The following PKIA variants were observed in gnomAD, a reference collection of about 807,000 sequenced individuals.
The protein encoded by PKIA is PKI-alpha.
PKIA carries 4 observed loss-of-function variants against 7.6 expected under a neutral mutation model. The observed-to-expected ratio is 0.52, with a 90% CI of 0.26 to 1.20. The LOEUF is 1.20. PKIA is among the 50% of genes most tolerant of loss of function. The probability of loss-of-function intolerance (pLI) is 0.13; values close to 1 mark genes in which losing one functional copy is unlikely to be tolerated. For synonymous variants in PKIA, 21 were observed against 30.7 expected, an observed-to-expected ratio of 0.68 and a Z score of 1.04; for missense variants, 73 against 86.2, an observed-to-expected ratio of 0.85 and a Z score of 0.61.
chr8:78,537,872 A>G (rs913059711), intron 1 of PKIA, among the ~76,000 whole-genome samples: 4 of 151,920 alleles, frequency 2.6e-5, no homozygotes, highest in Admixed American at 2.0e-4. Context: ...TTGAACCACC[A>G]TTGCTCTTCA....
chr8:78,594,516 GT>G (rs1808183725), intron 2 of PKIA, among the ~76,000 whole-genome samples: 2 of 152,140 alleles, frequency 1.3e-5, no homozygotes, highest in South Asian at 4.1e-4. Context: ...TTTTGGATAG[GT>G]TGGGACGTGG....
intron 3 of PKIA, 47 bp from the exon 4 acceptor site, chr8:78,601,695 A>T (rs1318811941): frequency 1.4e-6 from 2 of 1,384,160 alleles, no homozygotes; most frequent in Non-Finnish European, 2.0e-6. Context: ...AAATAAAAGC[A>T]ATCATTTTTA....
intron 2 of PKIA, among the ~76,000 whole-genome samples, chr8:78,582,101 A>G (rs904875244): frequency 4.6e-5 from 7 of 151,892 alleles, no homozygotes; most frequent in African/African-American, 1.2e-4. Context: ...GCTGTTTACA[A>G]TGGTAGTGGG....
intron 1 of PKIA, among the ~76,000 whole-genome samples, chr8:78,529,846 A>G (rs543194412): frequency 3.3e-5 from 5 of 151,904 alleles, no homozygotes; most frequent in Admixed American, 6.6e-5. Context: ...GTAAAAGTCA[A>G]TTATCAATGG....
intron 1 of PKIA, among the ~76,000 whole-genome samples, chr8:78,525,927 C>G (rs938490972): frequency 6.6e-6 from 1 of 150,468 alleles, no homozygotes; most frequent in African/African-American, 2.4e-5. Context: ...GTTACTCAAC[C>G]TCTGTGAGTT....
At chr8:78,581,296 G>A (rs374067257) in intron 2 of PKIA, among the ~76,000 whole-genome samples, 7 of 151,930 alleles carry the variant, frequency 4.6e-5, no homozygotes, top group Admixed American at 6.6e-5. Flanking sequence ...ATAGAAACTC[G>A]TTGTAGTTAA....
intron 2 of PKIA, among the ~76,000 whole-genome samples, chr8:78,596,211 C>A (rs560670834): frequency 3.3e-5 from 5 of 151,450 alleles, no homozygotes; most frequent in African/African-American, 1.2e-4. Flanking sequence ...TTTTAAGGAG[C>A]TGTTTGCTTT....
intron 1 of PKIA, among the ~76,000 whole-genome samples, chr8:78,549,483 T>G (rs561958928): frequency 6.6e-6 from 1 of 152,154 alleles, no homozygotes; most frequent in Non-Finnish European, 1.5e-5. Flanking sequence ...TGAAGATTAT[T>G]TGTAATTTTG....
rs893438215 is a variant in PKIA at position 78,602,354 on chromosome 8, C to T, written c.*533C>T. The T allele has an allele frequency of 6.6e-6, 1 of 152,478 alleles. No individual in the cohort carries two copies. Among genetic ancestry groups the T allele is most frequent in the Non-Finnish European group, 1.5e-5 (1 of 68,054 alleles). 9.4% of individuals were successfully genotyped at this position (152,478 alleles called of 1,614,324 possible). A position where few individuals can be genotyped will look rare whatever the true frequency, so the allele number is the denominator to read the frequency against. ...TATATGCTCAGCACTGCCCCCTTCT[C>T]TGATTGCTTATGAAAAACAAAATGA... is the stretch of plus-strand genomic sequence containing the variant. On this transcript the variant is annotated 3_prime_UTR_variant, in exon 4 of 4. Coordinates refer to ENST00000396418, the MANE Select transcript of PKIA (RefSeq NM_006823.4).
At chr8:78,575,077 T>C (rs1807641595) in intron 2 of PKIA, among the ~76,000 whole-genome samples, 1 of 152,020 alleles carries the variant, frequency 6.6e-6, no homozygotes, top group African/African-American at 2.4e-5. Flanking sequence ...CTAAGGGTTA[T>C]CTTCGGTAAC....
chr8:78,524,127 T>TAA (rs1226625181), intron 1 of PKIA, among the ~76,000 whole-genome samples: 103 of 134,224 alleles, frequency 7.7e-4, no homozygotes, highest in African/African-American at 2.8e-3. Flanking sequence ...TAAACATTTA[T>TAA]ATTTATATAT....
intron 1 of PKIA, among the ~76,000 whole-genome samples, chr8:78,527,893 C>T (rs150684434): frequency 2.4e-4 from 36 of 152,084 alleles, no homozygotes; most frequent in African/African-American, 7.7e-4. Context: ...ATCTATGTTT[C>T]ATGCCATAAT....
intron 1 of PKIA, among the ~76,000 whole-genome samples, chr8:78,527,981 G>T (rs1442992113): frequency 6.6e-6 from 1 of 152,042 alleles, no homozygotes; most frequent in Non-Finnish European, 1.5e-5. Flanking sequence ...CTTGTTCTTT[G>T]TGAATTGTCA....
intron 1 of PKIA, chr8:78,556,471 G>A (rs1389956510): frequency 1.3e-5 from 2 of 151,590 alleles, no homozygotes; most frequent in African/African-American, 4.9e-5. Flanking sequence ...TCTGTTCTTT[G>A]TTAAGAAGTG....
intron 1 of PKIA, among the ~76,000 whole-genome samples, chr8:78,527,657 ATTAATTT>A (rs1446789665): frequency 6.6e-6 from 1 of 152,098 alleles, no homozygotes; most frequent in Non-Finnish European, 1.5e-5. Flanking sequence ...TATATGTCAT[ATTAATTT>A]TTAAGTATAT....
intron 2 of PKIA, among the ~76,000 whole-genome samples, chr8:78,574,959 G>A (rs931198337): frequency 1.3e-5 from 2 of 151,998 alleles, no homozygotes; most frequent in African/African-American, 2.4e-5. Flanking sequence ...GTTCTCATGT[G>A]AGAAAGGAAG....
At chr8:78,568,783 G>T (rs1357409589) in intron 1 of PKIA, among the ~76,000 whole-genome samples, 1 of 152,120 alleles carries the variant, frequency 6.6e-6, no homozygotes, top group Non-Finnish European at 1.5e-5. Context: ...AACCTTTCTG[G>T]CAGTATGTAC....
At chr8:78,591,958 G>A (rs1808108185) in intron 2 of PKIA, among the ~76,000 whole-genome samples, 1 of 152,072 alleles carries the variant, frequency 6.6e-6, no homozygotes, top group Non-Finnish European at 1.5e-5. Flanking sequence ...TTTGAATTTT[G>A]TAATTTTGGG....
intron 1 of PKIA, chr8:78,534,258 G>T (rs1275435693): frequency 3.3e-5 from 5 of 152,072 alleles, no homozygotes; most frequent in Non-Finnish European, 7.4e-5. Context: ...TAAAAAACTA[G>T]TATATTGACT....
Sources: gnomAD v4.1 joint callset for allele counts (sites outside exome capture counted in the v4.1 genomes callset) on GRCh38, gnomAD v4.1.1 for gene constraint, MANE v1.5 for transcripts, NCBI Gene and HGNC (gene_info 2026-07-23, HGNC 2026-07-21) for gene names.